The following SCN9A variants were observed in gnomAD, a reference collection of about 807,000 sequenced individuals.
SCN9A encodes the protein sodium channel protein type 9 subunit alpha.
Under a neutral mutation model 187.0 loss-of-function variants are expected in SCN9A, and 131 were observed. The observed-to-expected ratio is 0.70, with a 90% CI of 0.61 to 0.81. The LOEUF is 0.81. SCN9A is among the 30% of genes least tolerant of loss of function. SCN9A has a pLI of 0.00. For missense variants in SCN9A, 2,252 were observed against 2,396.6 expected, an observed-to-expected ratio of 0.94 and a Z score of 1.26; for synonymous variants, 809 against 808.6, an observed-to-expected ratio of 1.00 and a Z score of -0.01.
intron 1 of SCN9A, among the ~76,000 whole-genome samples, chr2:166,350,213 A>G (rs961738712): frequency 6.6e-6 from 1 of 152,222 alleles, no homozygotes; most frequent in African/African-American, 2.4e-5. Flanking sequence ...CTGCATGGAT[A>G]ATTTACCAGT....
At chr2:166,363,505 A>G (rs1188620952) in intron 1 of SCN9A, among the ~76,000 whole-genome samples, 1 of 152,012 alleles carries the variant, frequency 6.6e-6, no homozygotes, top group Non-Finnish European at 1.5e-5. Flanking sequence ...TTTATACAAC[A>G]ACTCAAAAGT....
At chr2:166,349,959 T>A (rs1270950550) in intron 1 of SCN9A, among the ~76,000 whole-genome samples, 1 of 149,970 alleles carries the variant, frequency 6.7e-6, no homozygotes, top group African/African-American at 2.5e-5. Context: ...GCAACAAGAG[T>A]GAAACTCCCT....
intron 24 of SCN9A, among the ~76,000 whole-genome samples, chr2:166,209,486 A>G (rs1693975317): frequency 6.6e-6 from 1 of 152,034 alleles, no homozygotes; most frequent in Admixed American, 6.6e-5. Context: ...GAAACTATAC[A>G]CACACACACA....
At chr2:166,215,424 C>T (rs1336445384) in intron 24 of SCN9A, among the ~76,000 whole-genome samples, 4 of 151,878 alleles carry the variant, frequency 2.6e-5, no homozygotes, top group African/African-American at 9.7e-5. Flanking sequence ...CCAAACTTTG[C>T]AGAAGGAAGA....
chr2:166,338,273 A>T (rs751000526), intron 1 of SCN9A, among the ~76,000 whole-genome samples: 2 of 152,244 alleles, frequency 1.3e-5, no homozygotes, highest in East Asian at 1.9e-4. Context: ...GGACATGCCC[A>T]CTTACAGGAG....
chr2:166,349,477 C>T (rs6723160), intron 1 of SCN9A, among the ~76,000 whole-genome samples: 91,170 of 152,032 alleles, frequency 0.6, 27,521 homozygotes, highest in African/African-American at 0.67. Flanking sequence ...ATGCATTGAA[C>T]CATATGTTTT....
At chr2:166,210,155 C>T (rs1234111216) in intron 24 of SCN9A, among the ~76,000 whole-genome samples, 2 of 152,172 alleles carry the variant, frequency 1.3e-5, no homozygotes, top group East Asian at 1.9e-4. Flanking sequence ...AAGTCCTTTG[C>T]AGGGACATGC....
At chr2:166,363,374 C>T (rs1427592905) in intron 1 of SCN9A, among the ~76,000 whole-genome samples, 1 of 151,920 alleles carries the variant, frequency 6.6e-6, no homozygotes, top group Non-Finnish European at 1.5e-5. Context: ...AACTACAGCA[C>T]AATGAATCCT....
Position 166,311,751 on chromosome 2 carries a change from T to A in SCN9A, c.6A>T (p.Ala2=). ...TCTGAGGTCCTGGGGGAGGCAACAT[T>A]GCCATCTTTTCATCCTGTATATTTT... M[A]MLPPPGPQSF... is the part of the protein sequence containing the mutation. Residue 2 remains alanine (A), a synonymous_variant, in exon 2 of 27, where the codon GCA becomes GCT. Coordinates refer to ENST00000642356, the MANE Select transcript of SCN9A (RefSeq NM_001365536.1). 1.9e-6 allele frequency: 3 copies of A among 1,600,358 alleles called. No individual in the cohort carries two copies.
intron 5 of SCN9A, among the ~76,000 whole-genome samples, chr2:166,304,591 C>G (rs964132924): frequency 2.0e-5 from 3 of 151,868 alleles, no homozygotes; most frequent in African/African-American, 7.3e-5. Context: ...ATTGTTGGAC[C>G]CTTAACATTA....
chr2:166,203,221 T>G (rs1693628713), intron 26 of SCN9A, among the ~76,000 whole-genome samples: 1 of 151,866 alleles, frequency 6.6e-6, no homozygotes, highest in South Asian at 2.1e-4. Flanking sequence ...CTTTTCAGAT[T>G]GATAACCTGT....
At chr2:166,374,981 G>A (rs941171988) in intron 1 of SCN9A, among the ~76,000 whole-genome samples, 1 of 151,632 alleles carries the variant, frequency 6.6e-6, no homozygotes, top group Non-Finnish European at 1.5e-5. Context: ...TGGCATTAAT[G>A]TTTCTAGTTT....
chr2:166,197,067 A>G lies in SCN9A; in HGVS notation c.*1605T>C, dbSNP rs199848927. 3 of 131,174 alleles carry G rather than the reference A, an allele frequency of 2.3e-5. No homozygotes were observed. Among genetic ancestry groups the G allele is most frequent in the African/African-American group, 5.2e-5 (2 of 38,180 alleles). 8.1% of individuals were successfully genotyped at this position (131,174 alleles called of 1,614,324 possible). A position where few individuals can be genotyped will look rare whatever the true frequency, so the allele number is the denominator to read the frequency against. ...ATTTATTATATAAATGTAATTTATT[A>G]TTTTTTAAATATGGAAAGCAAATTA... On this transcript the variant is annotated 3_prime_UTR_variant, in exon 27 of 27. Transcript: ENST00000642356.
chr2:166,229,640 A>G (rs1272573416), intron 21 of SCN9A, among the ~76,000 whole-genome samples: 2 of 152,304 alleles, frequency 1.3e-5, no homozygotes, highest in East Asian at 1.9e-4. Context: ...TAAATTTATT[A>G]TTATTACTCT....
chr2:166,205,735 A>G (rs1693767989), intron 24 of SCN9A, among the ~76,000 whole-genome samples: 1 of 151,430 alleles, frequency 6.6e-6, no homozygotes. Flanking sequence ...AACCTACAGA[A>G]TGGGAGAAAA....
Position 166,226,595 on chromosome 2 carries a change from A to G in SCN9A, c.4370T>C (p.Ile1457Thr), listed in dbSNP as rs1694849428. 6.3e-7 allele frequency: 1 copy of G among 1,580,404 alleles called. No homozygotes were observed. The highest frequency in any genetic ancestry group is 8.6e-7 in the Non-Finnish European group (1 of 1,161,570). ...FTLNLFIGVI[I>T]DNFNQQKKKL... is the part of the protein sequence containing the mutation. ...CTTTTTCTGTTGGTTGAAATTATCTATGATGACACCAATGAACAAGTTCAA... is the reference window on the plus strand; with the variant it reads ...CTTTTTCTGTTGGTTGAAATTATCTGTGATGACACCAATGAACAAGTTCAA... The change falls in exon 24 of 27, where the codon ATA becomes ACA. Residue 1457 changes from isoleucine (I) to threonine (T), a missense_variant. By Grantham distance (89) the Ile-to-Thr change is moderately conservative (BLOSUM62 -1). This residue lies in a region of SCN9A where 368 missense variants were observed against 408.6 expected (regional missense o/e 0.90). Transcript: ENST00000642356.
intron 7 of SCN9A, among the ~76,000 whole-genome samples, chr2:166,300,407 C>A (rs943218798): frequency 6.6e-6 from 1 of 150,982 alleles, no homozygotes; most frequent in Non-Finnish European, 1.5e-5. Flanking sequence ...TTCTTACTAT[C>A]TTTTAGATCT....
At chr2:166,225,653 A>G (rs1247385089) in intron 24 of SCN9A, among the ~76,000 whole-genome samples, 1 of 152,158 alleles carries the variant, frequency 6.6e-6, no homozygotes, top group African/African-American at 2.4e-5. Flanking sequence ...GCACTTCAGA[A>G]TGTGACCTTA....
At chr2:166,251,334 C>T (rs1466633082) in intron 18 of SCN9A, among the ~76,000 whole-genome samples, 1 of 152,000 alleles carries the variant, frequency 6.6e-6, no homozygotes, top group African/African-American at 2.4e-5. Flanking sequence ...AGACTATGGC[C>T]TCTGAAACTA....
Sources: gnomAD v4.1 joint callset for allele counts (sites outside exome capture counted in the v4.1 genomes callset) on GRCh38, gnomAD v4.1.1 for gene constraint, gnomAD v4.1.1 regional missense constraint, MANE v1.5 for transcripts, NCBI Gene and HGNC (gene_info 2026-07-23, HGNC 2026-07-21) for gene names.